GABARAPL2: variants seen among roughly 807,000 people sequenced by gnomAD.
The protein encoded by GABARAPL2 is GABA type A receptor associated protein like 2, also known as gamma-aminobutyric acid receptor-associated protein-like 2.
GABARAPL2 carries 11 observed loss-of-function variants against 16.9 expected under a neutral mutation model. That is an observed-to-expected ratio of 0.65 (90% CI 0.41 to 1.08). GABARAPL2 has a LOEUF of 1.08. Ranked by LOEUF, GABARAPL2 falls within the 50% of genes least tolerant of loss-of-function variation. The probability of loss-of-function intolerance (pLI) is 0.00; values close to 1 mark genes in which losing one functional copy is unlikely to be tolerated. For missense variants in GABARAPL2, 134 were observed against 142.5 expected (o/e 0.94, Z 0.30); for synonymous variants, 57 against 50.7 (o/e 1.12, Z -0.53).
At chr16:75,571,833 G>A (rs903491986) in intron 3 of GABARAPL2, among the ~76,000 whole-genome samples, 29 of 151,072 alleles carry the variant, frequency 1.9e-4, no homozygotes, top group African/African-American at 5.8e-4. Flanking sequence ...CTGCCACCAC[G>A]CCCGGCTACT....
At chr16:75,574,608 C>T (rs1275670060) in intron 3 of GABARAPL2, among the ~76,000 whole-genome samples, 1 of 152,102 alleles carries the variant, frequency 6.6e-6, no homozygotes, top group East Asian at 1.9e-4. Flanking sequence ...GCTACATGTT[C>T]AAGCCCTTCT....
At chr16:75,567,966 A>G (rs895997854) in intron 2 of GABARAPL2, 71 bp from the exon 3 acceptor site, 5 of 1,199,390 alleles carry the variant, frequency 4.2e-6, no homozygotes, top group Non-Finnish European at 6.0e-6. Flanking sequence ...TCTGTTCATC[A>G]GCTCCTCAGC....
chr16:75,568,751 T>C (rs1265470549), intron 3 of GABARAPL2, among the ~76,000 whole-genome samples: 2 of 152,232 alleles, frequency 1.3e-5, no homozygotes, highest in African/African-American at 4.8e-5. Flanking sequence ...TGGTAGCACT[T>C]GCTTTGACTG....
intron 3 of GABARAPL2, chr16:75,577,030 C>G (rs945290069): frequency 1.8e-5 from 7 of 381,710 alleles, no homozygotes; most frequent in Middle Eastern, 6.2e-4. Context: ...GTTAGCCAGC[C>G]AAAGCCCCCT....
chr16:75,572,786 C>G (rs2080923756), intron 3 of GABARAPL2: 1 of 152,268 alleles, frequency 6.6e-6, no homozygotes, highest in Non-Finnish European at 1.5e-5. Flanking sequence ...CCGTTTCTTT[C>G]TTTGCCAGAC....
At chr16:75,573,476 A>C (rs948336573) in intron 3 of GABARAPL2, among the ~76,000 whole-genome samples, 1 of 152,242 alleles carries the variant, frequency 6.6e-6, no homozygotes, top group Admixed American at 6.5e-5. Flanking sequence ...TATCCTGACT[A>C]TAAGGACACA....
Position 75,568,165 on chromosome 16 carries a change from A to G in GABARAPL2, c.219A>G (p.Glu73=). Residue 73 remains glutamate, a synonymous_variant, in exon 3 of 4, where the codon GAA becomes GAG. Transcript: ENST00000037243. ...GGAAAAGGATCCAGCTTCCTTCTGAAAAGGCGATCTTCCTGTTTGTGGATA... is the reference window on the plus strand; with the variant it reads ...GGAAAAGGATCCAGCTTCCTTCTGAGAAGGCGATCTTCCTGTTTGTGGATA... ...IIRKRIQLPS[E]KAIFLFVDKT... 6.2e-7 allele frequency: 1 copy of G among 1,613,198 alleles called. No individual in the cohort carries two copies. Among genetic ancestry groups the G allele is most frequent in the Non-Finnish European group, 8.5e-7 (1 of 1,179,172 alleles).
chr16:75,566,667 G>A lies in GABARAPL2; in HGVS notation c.34+147G>A. The A allele has an allele frequency of 4.0e-6, 4 of 1,011,372 alleles. No individual in the cohort carries two copies. The South Asian group carries it at 4.5e-5, about 11-fold the overall frequency. 62.6% of individuals were successfully genotyped at this position (1,011,372 alleles called of 1,614,324 possible). ...CCCATGCCCTGGTGCCTCGGGCAGC[G>A]GCCCCCTGACCCCATGTCACCCTCC... On this transcript the variant is annotated intron_variant, in intron 1 of 3. Transcript: ENST00000037243.
intron 1 of GABARAPL2, 106 bp from the exon 2 acceptor site, chr16:75,566,746 G>A: frequency 8.5e-7 from 1 of 1,180,226 alleles, no homozygotes; most frequent in South Asian, 1.2e-5. Flanking sequence ...GGGGACGCCG[G>A]AACCAGGGCC....
Position 75,577,332 on chromosome 16 carries a change from A to G in GABARAPL2, c.317A>G (p.Tyr106Cys). Residue 106 changes from tyrosine to cysteine, a missense_variant, in exon 4 of 4, where the codon TAT becomes TGT. Transcript: ENST00000037243. ...GAAAAAGATGAAGATGGATTCTTATATGTGGCCTACAGCGGAGAGAACACT... is the reference window on the plus strand; with the variant it reads ...GAAAAAGATGAAGATGGATTCTTATGTGTGGCCTACAGCGGAGAGAACACT... The part of the protein sequence containing the change: ...EKEKDEDGFL[Y>C]VAYSGENTFG... 2 of 1,612,752 alleles carry G rather than the reference A, an allele frequency of 1.2e-6. No individual in the cohort carries two copies. Among genetic ancestry groups the G allele is most frequent in the Non-Finnish European group, 1.7e-6 (2 of 1,178,746 alleles).
At chr16:75,572,187 T>C (rs965349348) in intron 3 of GABARAPL2, 3 of 152,076 alleles carry the variant, frequency 2.0e-5, no homozygotes, top group Non-Finnish European at 4.4e-5. Flanking sequence ...CAACAACCAG[T>C]GGTTAATCTT....
At chr16:75,574,802 C>T (rs6564269) in intron 3 of GABARAPL2, among the ~76,000 whole-genome samples, 2 of 141,710 alleles carry the variant, frequency 1.4e-5, no homozygotes, top group Non-Finnish European at 3.0e-5. Context: ...GACACGGTGG[C>T]TCACCTGAGG....
intron 3 of GABARAPL2, chr16:75,575,957 C>T (rs2080946933): frequency 6.6e-6 from 1 of 152,148 alleles, no homozygotes; most frequent in African/African-American, 2.4e-5. Context: ...ACTGCACATC[C>T]CAATTCACAC....
chr16:75,566,583 A>ACTCGGGCGGCCCGGCCCCCTCCCCCC, intron 1 of GABARAPL2, 63 bp downstream of exon 1: 1 of 1,574,112 alleles, frequency 6.4e-7, no homozygotes, highest in South Asian at 1.1e-5. Flanking sequence ...CCCCTCCCCC[A>ACTCGGGCGGCCCGGCCCCCTCCCCCC]CTCGGGCGGC....
At chr16:75,574,903 T>C (rs1044024687) in intron 3 of GABARAPL2, among the ~76,000 whole-genome samples, 11 of 151,840 alleles carry the variant, frequency 7.2e-5, no homozygotes, top group Non-Finnish European at 5.9e-5. Context: ...CGTGGTGGCA[T>C]GCACCTGTAA....
Sources: gnomAD v4.1 joint callset for allele counts (sites outside exome capture counted in the v4.1 genomes callset) on GRCh38, gnomAD v4.1.1 for gene constraint, MANE v1.5 for transcripts, NCBI Gene and HGNC (gene_info 2026-07-23, HGNC 2026-07-21) for gene names.